TCERG1L: variants seen among roughly 807,000 people sequenced by gnomAD.
TCERG1L encodes the protein transcription elongation regulator 1 like, also known as transcription elongation regulator 1-like protein.
TCERG1L carries 37 observed loss-of-function variants against 56.3 expected under a neutral mutation model. The ratio of observed to expected loss-of-function variants is 0.66; its 90% CI spans 0.51 to 0.87. TCERG1L has a LOEUF of 0.87. Among genes scored for constraint, TCERG1L ranks in the 40% least tolerant of loss-of-function variants. TCERG1L has a pLI of 0.00. For synonymous variants in TCERG1L, 324 were observed against 326.3 expected (o/e 0.99, Z 0.08); for missense variants, 799 against 774.2 (o/e 1.03, Z -0.38).
At chr10:131,279,114 G>A (rs1846426086) in intron 3 of TCERG1L, among the ~76,000 whole-genome samples, 1 of 152,208 alleles carries the variant, frequency 6.6e-6, no homozygotes, top group Admixed American at 6.5e-5. Context: ...CTCAGGCAGA[G>A]ACAGGGCTAC....
At chr10:131,114,745 G>A (rs2133388468) in intron 9 of TCERG1L, among the ~76,000 whole-genome samples, 1 of 152,282 alleles carries the variant, frequency 6.6e-6, no homozygotes, top group South Asian at 2.1e-4. Context: ...GTTTAAAACT[G>A]TGTTGGTAAA....
chr10:131,148,985 G>T (rs537967446), intron 6 of TCERG1L, among the ~76,000 whole-genome samples: 1 of 152,228 alleles, frequency 6.6e-6, no homozygotes, highest in Non-Finnish European at 1.5e-5. Flanking sequence ...GCCACAGCTG[G>T]CCTGGTCATC....
chr10:131,235,504 T>C (rs531408585), intron 4 of TCERG1L, among the ~76,000 whole-genome samples: 11 of 152,284 alleles, frequency 7.2e-5, no homozygotes, highest in Non-Finnish European at 1.3e-4. Flanking sequence ...TCATTTCTAA[T>C]GATAAAGAAC....
chr10:131,148,664 C>G (rs553978411), intron 6 of TCERG1L, among the ~76,000 whole-genome samples: 1 of 101,092 alleles, frequency 9.9e-6, no homozygotes, highest in South Asian at 3.2e-4. Flanking sequence ...CGGGAGATGC[C>G]TGGCCTTGAG....
intron 4 of TCERG1L, among the ~76,000 whole-genome samples, chr10:131,208,203 G>C (rs1418765517): frequency 6.6e-6 from 1 of 152,198 alleles, no homozygotes; most frequent in Non-Finnish European, 1.5e-5. Context: ...GTTCCTCCAG[G>C]GGAAAGCTTC....
chr10:131,116,775 A>G (rs946058910), intron 9 of TCERG1L, 24 bp downstream of exon 9: 22 of 1,547,966 alleles, frequency 1.4e-5, no homozygotes, highest in Non-Finnish European at 1.9e-5. Flanking sequence ...GTAGGAGTGC[A>G]GCCCCTCAGC....
At chr10:131,247,923 C>T (rs1472039538) in intron 4 of TCERG1L, among the ~76,000 whole-genome samples, 1 of 151,904 alleles carries the variant, frequency 6.6e-6, no homozygotes, top group Non-Finnish European at 1.5e-5. Context: ...CACGCATACA[C>T]ACGACTCACA....
rs189490625 is a variant in TCERG1L, at chr10:131,209,771, A to G, written c.857-42886T>C. ...GTTTTTAAAATAAATGATAAAATAA[A>G]GCACTTTGTAATTATCTAAATAAAT... On this transcript the variant is annotated intron_variant, in intron 4 of 11. Coordinates refer to ENST00000368642, the MANE Select transcript of TCERG1L (RefSeq NM_174937.4). Among the ~76,000 whole-genome samples, 263 of 152,330 alleles carry G rather than the reference A, an allele frequency of 1.7e-3. 1 individual carries two copies. Among genetic ancestry groups the G allele is most frequent in the Middle Eastern group, 3.4e-3 (1 of 294 alleles).
At chr10:131,142,845 C>T (rs1174261722) in intron 7 of TCERG1L, among the ~76,000 whole-genome samples, 1 of 152,266 alleles carries the variant, frequency 6.6e-6, no homozygotes, top group Non-Finnish European at 1.5e-5. Flanking sequence ...GGTGTGCATA[C>T]ACTGGACTAC....
chr10:131,256,863 C>T lies in TCERG1L; in HGVS notation c.856+3396G>A, dbSNP rs551156482. 1.8e-4 allele frequency among the ~76,000 whole-genome samples: 26 copies of T among 146,684 alleles called. No individual in the cohort carries two copies. In the South Asian group the frequency reaches 4.4e-3, roughly 25 times the overall value. On this transcript the variant is annotated intron_variant, in intron 4 of 11. Coordinates refer to ENST00000368642, the MANE Select transcript of TCERG1L (RefSeq NM_174937.4). ...CGCACCACTGCACTCTCAGCCTGGG[C>T]GACAGATCGAGACTCCATCTCAAGA...
At chr10:131,123,805 G>A (rs892099172) in intron 8 of TCERG1L, among the ~76,000 whole-genome samples, 1 of 152,160 alleles carries the variant, frequency 6.6e-6, no homozygotes, top group African/African-American at 2.4e-5. Context: ...TGGAGTGCAC[G>A]GTTATTCCCA....
chr10:131,272,346 T>C (rs1033529223), intron 3 of TCERG1L, among the ~76,000 whole-genome samples: 54 of 152,332 alleles, frequency 3.5e-4, no homozygotes, highest in African/African-American at 1.3e-3. Context: ...GGCCAGCATT[T>C]GCAATTTCTG....
intron 4 of TCERG1L, among the ~76,000 whole-genome samples, chr10:131,204,036 C>T (rs1353481100): frequency 2.0e-5 from 3 of 152,214 alleles, no homozygotes; most frequent in African/African-American, 7.2e-5. Context: ...GAGCAGAGCC[C>T]TCATGGATGG....
intron 4 of TCERG1L, among the ~76,000 whole-genome samples, chr10:131,211,541 TC>T (rs1845620620): frequency 6.6e-6 from 1 of 152,166 alleles, no homozygotes; most frequent in Admixed American, 6.5e-5. Flanking sequence ...TCCATCCACA[TC>T]CTGGGACAAG....
chr10:131,274,306 G>A (rs1212589709), intron 3 of TCERG1L, among the ~76,000 whole-genome samples: 1 of 152,220 alleles, frequency 6.6e-6, no homozygotes, highest in Non-Finnish European at 1.5e-5. Context: ...CACAGCCGCT[G>A]TCCTCCAGAG....
Position 131,166,803 on chromosome 10 carries a change from T to G in TCERG1L, c.939A>C (p.Glu313Asp), listed in dbSNP as rs936788119. 2 of 1,613,996 alleles carry G rather than the reference T, an allele frequency of 1.2e-6. No individual in the cohort carries two copies. Among genetic ancestry groups the G allele is most frequent in the Admixed American group, 3.3e-5 (2 of 60,034 alleles). Residue 313 changes from glutamate to aspartate, a missense_variant, in exon 5 of 12, where the codon GAA becomes GAC. Transcript: ENST00000368642. ...CACGAGCCCCGAAACTGACCTTGTC[T>G]TCTTTGTCTCCATCCCGGCTCTTCT... The part of the protein sequence containing the change: ...RAQKSRDGDK[E>D]DKEPPPMLGG...
chr10:131,207,652 A>T (rs1458966681), intron 4 of TCERG1L, among the ~76,000 whole-genome samples: 1 of 152,140 alleles, frequency 6.6e-6, no homozygotes, highest in East Asian at 1.9e-4. Context: ...GGCCTCATAC[A>T]GATTGGGAGA....
chr10:131,107,721 A>G (rs1374465270), intron 9 of TCERG1L, among the ~76,000 whole-genome samples: 6 of 150,386 alleles, frequency 4.0e-5, no homozygotes, highest in Non-Finnish European at 7.4e-5. Flanking sequence ...CCACGATTGC[A>G]CACATGTGTG....
At chr10:131,124,419 C>T (rs778449578) in intron 8 of TCERG1L, among the ~76,000 whole-genome samples, 7 of 152,202 alleles carry the variant, frequency 4.6e-5, no homozygotes, top group South Asian at 4.1e-4. Flanking sequence ...CCCTTCGGAG[C>T]GATGCTTCTG....
Sources: gnomAD v4.1 joint callset for allele counts (sites outside exome capture counted in the v4.1 genomes callset) on GRCh38, gnomAD v4.1.1 for gene constraint, MANE v1.5 for transcripts, NCBI Gene and HGNC (gene_info 2026-07-23, HGNC 2026-07-21) for gene names.